The following GPRC5C variants were observed in gnomAD, a reference collection of about 807,000 sequenced individuals.
GPRC5C encodes the protein G protein-coupled receptor family C group 5 member C.
GPRC5C carries 22 observed loss-of-function variants against 31.4 expected under a neutral mutation model. That is an observed-to-expected ratio of 0.70 (90% CI 0.50 to 1.00). GPRC5C has a LOEUF of 1.00. Ranked by LOEUF, GPRC5C falls within the 50% of genes least tolerant of loss-of-function variation. GPRC5C has a pLI of 0.00. For synonymous variants in GPRC5C, 249 were observed against 257.5 expected, an observed-to-expected ratio of 0.97 and a Z score of 0.32; for missense variants, 557 against 597.2, an observed-to-expected ratio of 0.93 and a Z score of 0.70.
Position 74,447,429 on chromosome 17 carries a change from A to T in GPRC5C, c.*401A>T. The T allele has an allele frequency of 1.1e-6, 1 of 892,634 alleles. No individual in the cohort carries two copies. 55.3% of individuals were successfully genotyped at this position (892,634 alleles called of 1,614,324 possible). ...TAATAAATACATTTCTGCTTTATTA[A>T]CTCTTGCTCTGGGATTGTGGTTTCT... On this transcript the variant is annotated 3_prime_UTR_variant, in exon 4 of 4. Coordinates refer to ENST00000392627, the MANE Select transcript of GPRC5C (RefSeq NM_022036.4).
intron 1 of GPRC5C, chr17:74,433,841 G>C (rs2055391969): frequency 4.0e-6 from 4 of 989,888 alleles, no homozygotes; most frequent in Non-Finnish European, 4.9e-6. Flanking sequence ...GGTGGAGGGG[G>C]TCTCAGGCTT....
chr17:74,442,327 T>C (rs1245976354), intron 2 of GPRC5C, among the ~76,000 whole-genome samples: 9 of 152,188 alleles, frequency 5.9e-5, no homozygotes, highest in Non-Finnish European at 2.9e-5. Context: ...ATAAAAGTAT[T>C]TGGGGTGCCG....
At chr17:74,448,983 G>T (rs1380552732), downstream of GPRC5C, 8 of 1,018,996 alleles carry the variant, frequency 7.9e-6, no homozygotes, top group Admixed American at 2.3e-5. Context: ...ACCTTTGGAC[G>T]CTGGCTCAAG....
chr17:74,439,753 C>T lies in GPRC5C; in HGVS notation c.-24C>T, dbSNP rs756216633. ...TTTCCTTCTGTCTCTAGGGACCCAA[C>T]CAGAGCCTGGCCTGGGAGCCAGGAT... On this transcript the variant is annotated 5_prime_UTR_variant, in exon 2 of 4. Transcript: ENST00000392627. 2.2e-5 allele frequency: 35 copies of T among 1,606,040 alleles called. No homozygotes were observed. Among genetic ancestry groups the T allele is most frequent in the Middle Eastern group, 1.7e-4 (1 of 6,044 alleles).
intron 3 of GPRC5C, 116 bp downstream of exon 3, chr17:74,444,028 A>G (rs2055586991): frequency 1.4e-6 from 1 of 705,098 alleles, no homozygotes; most frequent in Admixed American, 2.8e-5. Flanking sequence ...GGTAAGGGGA[A>G]GGCAAGCTTC....
chr17:74,448,134 C>A (rs1414462195), downstream of GPRC5C, among the ~76,000 whole-genome samples: 1 of 151,994 alleles, frequency 6.6e-6, no homozygotes, highest in Non-Finnish European at 1.5e-5. Flanking sequence ...CATAGTGAGA[C>A]CTTGTTTCTA....
chr17:74,440,397 G>A lies in GPRC5C; in HGVS notation c.621G>A (p.Met207Ile). The part of the protein sequence containing the change: ...AVASPCAIAN[M>I]DFVMALIYVM... Reference sequence around the variant, plus strand: ...CCTCCCCCTGTGCCATCGCCAACATGGACTTTGTCATGGCACTCATCTACG... The same window carrying A: ...CCTCCCCCTGTGCCATCGCCAACATAGACTTTGTCATGGCACTCATCTACG... Residue 207 changes from methionine to isoleucine, a missense_variant, in exon 2 of 4, where the codon ATG becomes ATA. Coordinates refer to ENST00000392627, the MANE Select transcript of GPRC5C (RefSeq NM_022036.4). The surrounding 1 kb of genome is among the most constrained non-coding windows in gnomAD (Gnocchi z 4.4). The A allele has an allele frequency of 6.2e-7, 1 of 1,614,040 alleles. No individual in the cohort carries two copies.
intron 1 of GPRC5C, among the ~76,000 whole-genome samples, chr17:74,434,926 GAA>G (rs569256081): frequency 7.3e-6 from 1 of 137,458 alleles, no homozygotes. Flanking sequence ...TTCGTCTCAA[GAA>G]AAAAAAAAAG....
chr17:74,447,025 C>T lies in GPRC5C; in HGVS notation c.1323C>T (p.Asp441=), dbSNP rs140956731. The change falls in exon 4 of 4, where the codon GAC becomes GAT. Residue 441 remains aspartate (D), a synonymous_variant. Coordinates refer to ENST00000392627, the MANE Select transcript of GPRC5C (RefSeq NM_022036.4). The part of the protein sequence containing the change: ...SQVFRNPYVW[D] Reference sequence around the variant, plus strand: ...TCTTTAGAAACCCCTACGTGTGGGACTGAGTCAGCGGTGGCGAGGAGAGGC... The same window carrying T: ...TCTTTAGAAACCCCTACGTGTGGGATTGAGTCAGCGGTGGCGAGGAGAGGC... 466 of 1,610,316 alleles carry T rather than the reference C, an allele frequency of 2.9e-4. 1 individual carries two copies. The highest frequency in any genetic ancestry group is 2.4e-4 in the Non-Finnish European group (283 of 1,176,936).
At chr17:74,441,866 C>A in intron 2 of GPRC5C, among the ~76,000 whole-genome samples, 1 of 152,028 alleles carries the variant, frequency 6.6e-6, no homozygotes, top group East Asian at 1.9e-4. Context: ...GAAGAATTAG[C>A]TATTTGCTGT....
Position 74,440,720 on chromosome 17 carries a change from A to G in GPRC5C, c.944A>G (p.Asp315Gly). 1 of 1,601,934 alleles carries G rather than the reference A, an allele frequency of 6.2e-7. No homozygotes were observed. Among genetic ancestry groups the G allele is most frequent in the Non-Finnish European group, 8.5e-7 (1 of 1,171,114 alleles). The change falls in exon 2 of 4, where the codon GAC (aspartate) becomes GGC (glycine). Residue 315 changes from aspartate to glycine, a missense_variant. Coordinates refer to ENST00000392627, the MANE Select transcript of GPRC5C (RefSeq NM_022036.4). The surrounding 1 kb of genome is among the most constrained non-coding windows in gnomAD (Gnocchi z 4.4). ...AGCCCAGAGCAAAGCTACCAGGGGG[A>G]CATGTACCCCACCCGGGGCGTGGGC... ...KSSPEQSYQG[D>G]MYPTRGVGYE...
At chr17:74,444,695 C>A (rs2055600007) in intron 3 of GPRC5C, among the ~76,000 whole-genome samples, 1 of 152,160 alleles carries the variant, frequency 6.6e-6, no homozygotes, top group Non-Finnish European at 1.5e-5. Context: ...TCTCCCTGAG[C>A]CTGAACCTGA....
In GPRC5C at chr17:74,440,608, C is replaced by T. The variant is rs1469309693; in HGVS notation, c.832C>T (p.Pro278Ser). ...KQHNSPTWDD[P>S]TLAIALAANA... ...GCACAACAGTCCCACCTGGGATGAC[C>T]CCACGCTGGCCATCGCCCTCGCCGC... The change falls in exon 2 of 4, where the codon CCC becomes TCC. Residue 278 changes from proline to serine, a missense_variant. By Grantham distance (74) the Pro-to-Ser change is moderately conservative (BLOSUM62 -1). Transcript: ENST00000392627. The surrounding 1 kb of genome is among the most constrained non-coding windows in gnomAD (Gnocchi z 4.4). 2 of 1,610,610 alleles carry T rather than the reference C, an allele frequency of 1.2e-6. No individual in the cohort carries two copies.
downstream of GPRC5C, among the ~76,000 whole-genome samples, chr17:74,447,719 C>T (rs1253305995): frequency 6.6e-6 from 1 of 152,070 alleles, no homozygotes; most frequent in African/African-American, 2.4e-5. Flanking sequence ...CAGCTTTCCT[C>T]TGGGAACCCC....
rs1029608689 is a variant in GPRC5C at position 74,446,745 on chromosome 17, G to C, written c.1147-104G>C. 44 of 895,154 alleles carry C rather than the reference G, an allele frequency of 4.9e-5. No homozygotes were observed. The African/African-American group carries it at 6.6e-4, about 14-fold the overall frequency. 55.5% of individuals were successfully genotyped at this position (895,154 alleles called of 1,614,324 possible). ...GCAGAGGAGCCGAGGGGGGAGTTGGGGGGGATCTGGCAGTCCCAGCCCTGC... is the reference window on the plus strand; with the variant it reads ...GCAGAGGAGCCGAGGGGGGAGTTGGCGGGGATCTGGCAGTCCCAGCCCTGC... On this transcript the variant is annotated intron_variant, in intron 3 of 3. Transcript: ENST00000392627.
chr17:74,446,730 C>T (rs368357490), intron 3 of GPRC5C, 119 bp from the exon 4 acceptor site: 6 of 770,694 alleles, frequency 7.8e-6, no homozygotes, highest in Middle Eastern at 3.1e-4. Context: ...GCAGAGGAGC[C>T]GAGGGGGGAG....
intron 2 of GPRC5C, among the ~76,000 whole-genome samples, chr17:74,441,492 TG>T (rs1020129113): frequency 5.9e-5 from 9 of 152,246 alleles, no homozygotes; most frequent in African/African-American, 1.9e-4. Flanking sequence ...ATGGGGATAA[TG>T]TCAGTACCTA....
chr17:74,450,054 T>G (rs903410779), downstream of GPRC5C: 1 of 152,506 alleles, frequency 6.6e-6, no homozygotes, highest in Non-Finnish European at 1.5e-5. Flanking sequence ...CAAAGCAGTT[T>G]CCACAAGCAA....
chr17:74,450,677 G>A (rs375984276), downstream of GPRC5C: 21 of 152,294 alleles, frequency 1.4e-4, 1 homozygote, highest in East Asian at 3.3e-3. Flanking sequence ...TTGAGCCCTC[G>A]GACATGCTCC....
Sources: allele counts gnomAD v4.1 joint callset (sites outside exome capture counted in the v4.1 genomes callset), GRCh38; gene constraint gnomAD v4.1.1; non-coding constraint Gnocchi (gnomAD v3.1); transcripts MANE v1.5; gene names NCBI Gene and HGNC (gene_info 2026-07-23, HGNC 2026-07-21).